Variants in TBC1D7 observed in about 807,000 individuals in gnomAD.
TBC1D7 encodes TBC1 domain family member 7.
A neutral mutation model predicts 35.3 loss-of-function variants in TBC1D7; 33 were observed. The ratio of observed to expected loss-of-function variants is 0.93; its 90% CI spans 0.71 to 1.25. TBC1D7 has a LOEUF of 1.25. Ranked by LOEUF, TBC1D7 falls within the 50% of genes most tolerant of loss-of-function variation. The probability of loss-of-function intolerance (pLI) is 0.00; values close to 1 mark genes in which losing one functional copy is unlikely to be tolerated. For synonymous variants in TBC1D7, 135 were observed against 129.5 expected (o/e 1.04, Z -0.29); for missense variants, 362 against 365.3 (o/e 0.99, Z 0.07).
chr6:13,305,119 G>T lies in TBC1D7; in HGVS notation c.864C>A (p.Thr288=), dbSNP rs933525533. Residue 288 remains threonine, a synonymous_variant, in exon 8 of 8, where the codon ACC becomes ACA. Transcript: ENST00000379300. Reference sequence around the variant, plus strand: ...GGTGCGTTCAGCTTGAATGGACCGGGGTCCCACAGTGTTTGTGCCACAAGT... The same window carrying T: ...GGTGCGTTCAGCTTGAATGGACCGGTGTCCCACAGTGTTTGTGCCACAAGT... ...AIDLWHKHCG[T]PVHSS 1.2e-6 allele frequency: 2 copies of T among 1,613,056 alleles called. No individual in the cohort carries two copies. The highest frequency in any genetic ancestry group is 2.7e-5 in the African/African-American group (2 of 74,856).
chr6:13,320,040 C>T (rs1335435232), intron 4 of TBC1D7: 1 of 152,154 alleles, frequency 6.6e-6, no homozygotes, highest in Non-Finnish European at 1.5e-5. Flanking sequence ...GGTATCCCTG[C>T]CAAAAATGAA....
At chr6:13,309,767 T>G (rs1028557830) in intron 5 of TBC1D7, among the ~76,000 whole-genome samples, 1 of 152,198 alleles carries the variant, frequency 6.6e-6, no homozygotes, top group Non-Finnish European at 1.5e-5. Context: ...GATTTAGTAT[T>G]TTGCTGTTTG....
At chr6:13,325,287 G>T in intron 2 of TBC1D7, 113 bp from the exon 3 acceptor site, 1 of 722,364 alleles carries the variant, frequency 1.4e-6, no homozygotes, top group Non-Finnish European at 2.3e-6. Flanking sequence ...TTCAGGGGAA[G>T]TCTACCATAT....
chr6:13,306,978 C>T (rs1234830370), intron 6 of TBC1D7: 1 of 155,302 alleles, frequency 6.4e-6, no homozygotes, highest in African/African-American at 2.4e-5. Context: ...TTAAACTTCT[C>T]CAAGGGCGTA....
In TBC1D7 at chr6:13,328,502, C is replaced by CGCCGCTGCCGCG. The variant is rs1784556783; in HGVS notation, c.-216_-215insCGCGGCAGCGGC. On this transcript the variant is annotated 5_prime_UTR_variant, in exon 1 of 8. Transcript: ENST00000379300. ...AGACGGCCCGGGAGACAAAACTCAG[C>CGCCGCTGCCGCG]GCCGCTGCCGCTGCCGCTGCCGCCG... The CGCCGCTGCCGCG allele has an allele frequency of 6.5e-6, 1 of 153,742 alleles. No individual in the cohort carries two copies. The highest frequency in any genetic ancestry group is 6.6e-5 in the Admixed American group (1 of 15,160). The allele number at this position is 153,742 out of a possible 1,614,324, so 9.5% of individuals were successfully genotyped here. A position where few individuals can be genotyped will look rare whatever the true frequency, so the allele number is the denominator to read the frequency against.
At chr6:13,310,906 TGATA>T (rs1783165860) in intron 5 of TBC1D7, among the ~76,000 whole-genome samples, 1 of 152,104 alleles carries the variant, frequency 6.6e-6, no homozygotes, top group Non-Finnish European at 1.5e-5. Flanking sequence ...ACTTAGCAAA[TGATA>T]GATAACATAG....
At chr6:13,308,810 A>G (rs1338160587) in intron 5 of TBC1D7, among the ~76,000 whole-genome samples, 1 of 152,224 alleles carries the variant, frequency 6.6e-6, no homozygotes, top group Non-Finnish European at 1.5e-5. Flanking sequence ...CCCTGCCTTC[A>G]AGGAGCTTAC....
chr6:13,305,479 C>T (rs1280515365), intron 7 of TBC1D7: 4 of 465,488 alleles, frequency 8.6e-6, no homozygotes, highest in Non-Finnish European at 1.6e-5. Flanking sequence ...GATAGCCTGA[C>T]TTCACAGAGC....
intron 6 of TBC1D7, 31 bp from the exon 7 acceptor site, chr6:13,306,558 T>C (rs1016451949): frequency 2.0e-6 from 3 of 1,536,404 alleles, no homozygotes; most frequent in East Asian, 2.3e-5. Flanking sequence ...AATCAAATTA[T>C]ATGAGTTTCA....
chr6:13,306,528 C>A lies in TBC1D7; in HGVS notation c.666-1G>T. ...TCCACTCACAACTTTATCCCAAACC[C>A]TACAAAAATAAGGAGATATAATCAA... On this transcript the variant is annotated splice_acceptor_variant, in intron 6 of 7. Transcript: ENST00000379300. LOFTEE classifies it high-confidence loss of function. The A allele has an allele frequency of 6.3e-7, 1 of 1,581,742 alleles. No homozygotes were observed. Among genetic ancestry groups the A allele is most frequent in the Non-Finnish European group, 8.6e-7 (1 of 1,167,682 alleles).
chr6:13,314,603 T>C (rs987229300), intron 5 of TBC1D7, among the ~76,000 whole-genome samples: 8 of 152,212 alleles, frequency 5.3e-5, no homozygotes, highest in African/African-American at 1.9e-4. Context: ...TTTATTGAAA[T>C]CAACAAAGTG....
chr6:13,317,395 A>T (rs1584552059), intron 4 of TBC1D7, among the ~76,000 whole-genome samples: 1 of 152,318 alleles, frequency 6.6e-6, no homozygotes, highest in East Asian at 1.9e-4. Context: ...ATCATATACA[A>T]AAAGCTTTAC....
chr6:13,318,313 C>T (rs1008966051), intron 4 of TBC1D7: 2 of 152,180 alleles, frequency 1.3e-5, no homozygotes, highest in African/African-American at 4.8e-5. Context: ...CGTGGGATGG[C>T]AGAGTCCAAA....
chr6:13,305,284 T>C, intron 7 of TBC1D7, 97 bp from the exon 8 acceptor site: 1 of 1,149,746 alleles, frequency 8.7e-7, no homozygotes, highest in East Asian at 2.4e-5. Flanking sequence ...TCCATGGGAG[T>C]TTGCACTGTT....
At chr6:13,322,231 A>C (rs1214044350) in intron 3 of TBC1D7, among the ~76,000 whole-genome samples, 2 of 152,142 alleles carry the variant, frequency 1.3e-5, no homozygotes, top group East Asian at 3.8e-4. Context: ...GCCAGCCTAG[A>C]AAACAGAGTA....
Position 13,306,514 on chromosome 6 carries a change from C to T in TBC1D7, c.679G>A (p.Val227Ile), listed in dbSNP as rs149454128. Residue 227 changes from valine (V) to isoleucine (I), a missense_variant, in exon 7 of 8, where the codon GTT becomes ATT. Val to Ile is a conservative substitution (Grantham distance 29). Coordinates refer to ENST00000379300, the MANE Select transcript of TBC1D7 (RefSeq NM_016495.6). ...ESSLQRVWDK[V>I]VSGSCKILVF... ...AGGATCTTACAGGATCCACTCACAA[C>T]TTTATCCCAAACCCTACAAAAATAA... is the stretch of plus-strand genomic sequence containing the variant. 4.2e-5 allele frequency: 68 copies of T among 1,601,530 alleles called. No homozygotes were observed. The highest frequency in any genetic ancestry group is 5.4e-5 in the Non-Finnish European group (64 of 1,175,632).
chr6:13,314,493 GA>G (rs1366359623), intron 5 of TBC1D7, among the ~76,000 whole-genome samples: 4 of 152,186 alleles, frequency 2.6e-5, no homozygotes, highest in African/African-American at 9.7e-5. Flanking sequence ...TATTAAATAA[GA>G]AAAGCTAATT....
At chr6:13,313,274 C>A (rs1783362748) in intron 5 of TBC1D7, among the ~76,000 whole-genome samples, 1 of 152,124 alleles carries the variant, frequency 6.6e-6, no homozygotes, top group Non-Finnish European at 1.5e-5. Context: ...TAGCCATATG[C>A]AAACATACTC....
chr6:13,318,440 C>A (rs1264634516), intron 4 of TBC1D7, among the ~76,000 whole-genome samples: 4 of 152,142 alleles, frequency 2.6e-5, no homozygotes, highest in Admixed American at 2.6e-4. Context: ...AATTCCTAAT[C>A]TAATTTAATT....
Sources: allele counts gnomAD v4.1 joint callset (sites outside exome capture counted in the v4.1 genomes callset), GRCh38; gene constraint gnomAD v4.1.1; transcripts MANE v1.5; gene names NCBI Gene and HGNC (gene_info 2026-07-23, HGNC 2026-07-21).